SLC30A8: variants seen among roughly 807,000 people sequenced by gnomAD.
SLC30A8 encodes proton-coupled zinc antiporter SLC30A8.
SLC30A8 carries 27 observed loss-of-function variants against 36.9 expected under a neutral mutation model. The ratio of observed to expected loss-of-function variants is 0.73; its 90% CI spans 0.54 to 1.01. The LOEUF is 1.01. Ranked by LOEUF, SLC30A8 falls within the 50% of genes least tolerant of loss-of-function variation. The pLI is 0.00. For synonymous variants in SLC30A8, 164 were observed against 172.4 expected (o/e 0.95, Z 0.38); for missense variants, 439 against 452.0 (o/e 0.97, Z 0.26).
At chr8:117,021,613 G>T (rs568111944) in intron 1 of SLC30A8, among the ~76,000 whole-genome samples, 39 of 152,216 alleles carry the variant, frequency 2.6e-4, no homozygotes, top group Middle Eastern at 3.4e-3. Flanking sequence ...ACCCAAGCAG[G>T]TTTTAAAAAT....
At chr8:116,974,098 C>A (rs887442813) in intron 1 of SLC30A8, among the ~76,000 whole-genome samples, 1 of 152,152 alleles carries the variant, frequency 6.6e-6, no homozygotes, top group African/African-American at 2.4e-5. Context: ...AGAAGAAAAC[C>A]TAGGCAATAC....
In SLC30A8 at chr8:117,112,462, A is replaced by G. The variant is rs564479518; in HGVS notation, c.-225-22818A>G. 8.4e-4 allele frequency among the ~76,000 whole-genome samples: 127 copies of G among 151,740 alleles called. 1 individual carries two copies. Among genetic ancestry groups the G allele is most frequent in the Non-Finnish European group, 1.3e-3 (90 of 67,996 alleles). On this transcript the variant is annotated intron_variant, in intron 2 of 10. Transcript: ENST00000427715. ...GGTGAACAGTTAAAGGAGTTGGTGT[A>G]AATGAAAAACCCCTTGAGACTCATT...
chr8:117,151,597 C>T (rs1822193319), intron 2 of SLC30A8, among the ~76,000 whole-genome samples: 3 of 152,180 alleles, frequency 2.0e-5, no homozygotes, highest in Admixed American at 2.0e-4. Context: ...TCTCAGGTGC[C>T]TCCTGCCTCA....
intron 1 of SLC30A8, among the ~76,000 whole-genome samples, chr8:116,987,106 T>C (rs941484249): frequency 6.6e-6 from 1 of 152,076 alleles, no homozygotes; most frequent in Non-Finnish European, 1.5e-5. Flanking sequence ...AGGATAAATA[T>C]TGCCCAAGTC....
chr8:117,122,636 T>C (rs940592997), intron 2 of SLC30A8, among the ~76,000 whole-genome samples: 56 of 152,128 alleles, frequency 3.7e-4, no homozygotes, highest in African/African-American at 1.1e-3. Flanking sequence ...ACAGTTGAGG[T>C]AGGCAATTTT....
intron 2 of SLC30A8, among the ~76,000 whole-genome samples, chr8:117,151,980 C>G (rs949621529): frequency 1.4e-4 from 22 of 152,254 alleles, no homozygotes; most frequent in African/African-American, 5.3e-4. Flanking sequence ...GAGCCAATGG[C>G]CTGTGGGGAT....
chr8:117,052,312 A>C (rs1817735927), intron 2 of SLC30A8, among the ~76,000 whole-genome samples: 1 of 152,204 alleles, frequency 6.6e-6, no homozygotes, highest in Non-Finnish European at 1.5e-5. Flanking sequence ...CGCCCAGCCA[A>C]GCCTTTATTC....
At chr8:117,020,735 GGTATT>G (rs781616386) in intron 1 of SLC30A8, among the ~76,000 whole-genome samples, 6 of 152,136 alleles carry the variant, frequency 3.9e-5, no homozygotes, top group East Asian at 3.9e-4. Context: ...GAGAGATATT[GGTATT>G]GTATTGTAAG....
At chr8:117,024,094 C>CA (rs1379526264) in intron 1 of SLC30A8, among the ~76,000 whole-genome samples, 1 of 152,108 alleles carries the variant, frequency 6.6e-6, no homozygotes, top group African/African-American at 2.4e-5. Flanking sequence ...TGTCTAGTAT[C>CA]AATGTTTTGA....
chr8:116,986,999 C>T (rs1815466621), intron 1 of SLC30A8, among the ~76,000 whole-genome samples: 1 of 152,076 alleles, frequency 6.6e-6, no homozygotes, highest in Non-Finnish European at 1.5e-5. Flanking sequence ...TTAGTCTTCT[C>T]ATATTGAGAC....
At chr8:117,014,901 C>G (rs775780225) in intron 1 of SLC30A8, among the ~76,000 whole-genome samples, 16 of 152,084 alleles carry the variant, frequency 1.1e-4, no homozygotes, top group Non-Finnish European at 1.9e-4. Context: ...AAACCTTCTT[C>G]TCTGCTAATA....
chr8:116,999,751 A>G lies in SLC30A8; in HGVS notation c.-265-39468A>G, dbSNP rs542354274. On this transcript the variant is annotated intron_variant, in intron 1 of 10. Coordinates refer to the SLC30A8 transcript ENST00000427715. ...AAATTCTTTGATATTTTATATTGAC[A>G]TAGGCTTTAAAATAATTATAGTAGG... 2.6e-5 allele frequency among the ~76,000 whole-genome samples: 4 copies of G among 152,294 alleles called. No individual in the cohort carries two copies. In the East Asian group the frequency reaches 7.7e-4, roughly 29 times the overall value.
chr8:117,127,222 CAT>C (rs10549939), intron 2 of SLC30A8, among the ~76,000 whole-genome samples: 15,756 of 152,020 alleles, frequency 0.1, 1,404 homozygotes, highest in African/African-American at 0.24. Context: ...AAAGAAGTCT[CAT>C]GTGGAAGTTC....
At chr8:117,057,429 T>G (rs964970374) in intron 2 of SLC30A8, among the ~76,000 whole-genome samples, 2 of 152,234 alleles carry the variant, frequency 1.3e-5, no homozygotes, top group South Asian at 4.1e-4. Flanking sequence ...TAATTACCTA[T>G]AAGATGAATA....
chr8:117,051,439 T>G (rs928010923), intron 2 of SLC30A8, among the ~76,000 whole-genome samples: 3 of 152,168 alleles, frequency 2.0e-5, no homozygotes, highest in African/African-American at 7.2e-5. Context: ...AGGGGGCAGA[T>G]CCCTTATGAA....
chr8:116,959,734 A>G (rs1814352325), intron 1 of SLC30A8, among the ~76,000 whole-genome samples: 1 of 152,196 alleles, frequency 6.6e-6, no homozygotes, highest in Non-Finnish European at 1.5e-5. Context: ...CCAAGGTCTT[A>G]TGAATTATAA....
At chr8:117,064,974 C>T (rs371469042) in intron 2 of SLC30A8, among the ~76,000 whole-genome samples, 89 of 152,290 alleles carry the variant, frequency 5.8e-4, no homozygotes, top group African/African-American at 1.9e-3. Flanking sequence ...TGAGGAAGAT[C>T]AGATTCATTC....
At chr8:117,096,470 A>T (rs1470002392) in intron 2 of SLC30A8, among the ~76,000 whole-genome samples, 11 of 152,122 alleles carry the variant, frequency 7.2e-5, no homozygotes, top group Admixed American at 7.2e-4. Context: ...AAGAAAGTAG[A>T]TGCATTTAAT....
intron 1 of SLC30A8, chr8:117,146,683 C>T (rs535079447): frequency 1.5e-5 from 7 of 462,898 alleles, no homozygotes; most frequent in African/African-American, 1.2e-4. Flanking sequence ...TTCTTTTCTC[C>T]TATTCCTTTG....
Sources: allele counts gnomAD v4.1 joint callset (sites outside exome capture counted in the v4.1 genomes callset), GRCh38; gene constraint gnomAD v4.1.1; transcripts MANE v1.5; gene names NCBI Gene and HGNC (gene_info 2026-07-23, HGNC 2026-07-21).